The following CD200R1L variants were observed in gnomAD, a reference collection of about 807,000 sequenced individuals.
CD200R1L encodes cell surface glycoprotein CD200 receptor 2.
A neutral mutation model predicts 24.8 loss-of-function variants in CD200R1L; 14 were observed. That is an observed-to-expected ratio of 0.56 (90% CI 0.37 to 0.88). The LOEUF is 0.88. CD200R1L is among the 40% of genes least tolerant of loss of function. The pLI is 0.00. For synonymous variants in CD200R1L, 111 were observed against 109.2 expected, an observed-to-expected ratio of 1.02 and a Z score of -0.11; for missense variants, 299 against 297.8, an observed-to-expected ratio of 1.00 and a Z score of -0.03.
At chr3:112,842,087 A>G (rs1427452344) in intron 2 of CD200R1L, among the ~76,000 whole-genome samples, 1 of 152,190 alleles carries the variant, frequency 6.6e-6, no homozygotes, top group Non-Finnish European at 1.5e-5. Context: ...TGATCTAGAC[A>G]CAGAAGGCTT....
intron 6 of CD200R1L, among the ~76,000 whole-genome samples, chr3:112,824,341 G>C (rs990597718): frequency 8.5e-5 from 13 of 152,190 alleles, no homozygotes; most frequent in Non-Finnish European, 1.2e-4. Flanking sequence ...GGCTCATGAA[G>C]GAGTAGAGCA....
chr3:112,830,039 C>T (rs1938759022), intron 3 of CD200R1L, among the ~76,000 whole-genome samples: 1 of 152,188 alleles, frequency 6.6e-6, no homozygotes, highest in Admixed American at 6.5e-5. Flanking sequence ...GTGCAGCTGG[C>T]TTTGCTGCAA....
chr3:112,836,215 A>G (rs956102762), intron 3 of CD200R1L, among the ~76,000 whole-genome samples: 2 of 152,184 alleles, frequency 1.3e-5, no homozygotes, highest in African/African-American at 4.8e-5. Flanking sequence ...CGGAGCACAG[A>G]GGTCCCATCA....
chr3:112,831,897 A>G (rs115820740), intron 3 of CD200R1L, among the ~76,000 whole-genome samples: 4 of 151,642 alleles, frequency 2.6e-5, no homozygotes, highest in Non-Finnish European at 4.4e-5. Flanking sequence ...TCTGCACTTC[A>G]TTCATGCTAA....
In CD200R1L at chr3:112,845,840, A is replaced by G; in HGVS notation, c.-248T>C. ...GGTCACTTTTGCTTATTCTGTCTTC[A>G]ACAGGATTGCAAAACATATTTCTTC... is the stretch of plus-strand genomic sequence containing the variant. On this transcript the variant is annotated 5_prime_UTR_variant, in exon 2 of 8. The change abolishes the stop of an existing upstream ORF in the 5' untranslated region. Transcript: ENST00000488794. 1.3e-6 allele frequency: 1 copy of G among 763,542 alleles called. No individual in the cohort carries two copies. Among genetic ancestry groups the G allele is most frequent in the Non-Finnish European group, 2.2e-6 (1 of 448,490 alleles). The allele number at this position is 763,542 out of a possible 1,614,324, so 47.3% of individuals were successfully genotyped here.
intron 3 of CD200R1L, among the ~76,000 whole-genome samples, chr3:112,831,138 G>A (rs913595383): frequency 1.3e-5 from 2 of 152,032 alleles, no homozygotes; most frequent in African/African-American, 4.8e-5. Context: ...CTCTAATGAT[G>A]GCATAACGTT....
chr3:112,831,543 T>C (rs1331153653), intron 3 of CD200R1L, among the ~76,000 whole-genome samples: 1 of 152,176 alleles, frequency 6.6e-6, no homozygotes, highest in Non-Finnish European at 1.5e-5. Context: ...AATAAAATCA[T>C]TACAAGTATA....
intron 3 of CD200R1L, among the ~76,000 whole-genome samples, chr3:112,830,978 C>T (rs779594338): frequency 1.5e-4 from 23 of 151,996 alleles, no homozygotes; most frequent in African/African-American, 2.7e-4. Flanking sequence ...GATATCCACA[C>T]GGACCCATCT....
rs138212850 is a variant in CD200R1L, at chr3:112,820,125, G to A, written c.617-230C>T. Among the ~76,000 whole-genome samples the A allele has an allele frequency of 2.7e-3, 413 of 152,268 alleles. 2 individuals are homozygous for A. Among genetic ancestry groups the A allele is most frequent in the African/African-American group, 9.5e-3 (396 of 41,568 alleles). On this transcript the variant is annotated intron_variant, in intron 6 of 7. Transcript: ENST00000488794. ...ATCGTAGGTTTCTGACAAATTTTCTGAACAAATAAATGCACACTACGCATT... is the reference window on the plus strand; with the variant it reads ...ATCGTAGGTTTCTGACAAATTTTCTAAACAAATAAATGCACACTACGCATT...
In CD200R1L at chr3:112,845,686, C is replaced by A. The variant is rs1471888954; in HGVS notation, c.-94G>T. ...TCACAGTATCAGACTTACCAGACAC[C>A]ATGATAATGATGGAAATCAGTAATC... On this transcript the variant is annotated 5_prime_UTR_variant, in exon 2 of 8. It removes an upstream start codon present in the reference 5' UTR. Coordinates refer to ENST00000488794, the MANE Select transcript of CD200R1L (RefSeq NM_001199215.3). 2 of 1,612,850 alleles carry A rather than the reference C, an allele frequency of 1.2e-6. No individual in the cohort carries two copies.
intron 2 of CD200R1L, among the ~76,000 whole-genome samples, chr3:112,838,234 AG>A (rs1417080022): frequency 6.8e-6 from 1 of 146,426 alleles, no homozygotes; most frequent in Non-Finnish European, 1.5e-5. Flanking sequence ...TTTCTTTTGT[AG>A]TTATGAATAA....
At chr3:112,839,675 G>A (rs1298679155) in intron 2 of CD200R1L, among the ~76,000 whole-genome samples, 1 of 152,168 alleles carries the variant, frequency 6.6e-6, no homozygotes, top group Non-Finnish European at 1.5e-5. Flanking sequence ...TGAGGTTCTT[G>A]ATTGAAAAGG....
At chr3:112,829,234 C>G in intron 4 of CD200R1L, 85 bp downstream of exon 4, 1 of 1,081,572 alleles carries the variant, frequency 9.2e-7, no homozygotes, top group South Asian at 1.3e-5. Flanking sequence ...CAAGGCTGGC[C>G]TCCAGCCAGG....
intron 3 of CD200R1L, among the ~76,000 whole-genome samples, chr3:112,830,414 A>G (rs1157696415): frequency 1.3e-5 from 2 of 151,884 alleles, no homozygotes; most frequent in African/African-American, 4.8e-5. Context: ...TGTAATACCC[A>G]TAATGAGTGA....
intron 6 of CD200R1L, among the ~76,000 whole-genome samples, chr3:112,826,601 C>T (rs1938662196): frequency 6.6e-6 from 1 of 152,060 alleles, no homozygotes; most frequent in South Asian, 2.1e-4. Flanking sequence ...TAATATATTG[C>T]TTTTGGATGA....
At position 112,845,734 on chromosome 3, in the gene CD200R1L, A is replaced by T. The variant is rs1216413921; in HGVS notation, c.-142T>A. The stretch of plus-strand genomic sequence containing the variant: ...ATCTTGGAGCTGACATCTTCCCTAA[A>T]GTATGCTTTTGGAGTGGTTTTCTAC... On this transcript the variant is annotated 5_prime_UTR_variant, in exon 2 of 8. Coordinates refer to ENST00000488794, the MANE Select transcript of CD200R1L (RefSeq NM_001199215.3). 4 of 1,612,152 alleles carry T rather than the reference A, an allele frequency of 2.5e-6. No homozygotes were observed. The South Asian group carries it at 3.3e-5, about 13-fold the overall frequency.
intron 7 of CD200R1L, among the ~76,000 whole-genome samples, chr3:112,817,846 G>A (rs1191999719): frequency 3.3e-5 from 5 of 152,188 alleles, no homozygotes; most frequent in Non-Finnish European, 7.4e-5. Context: ...CGAAAACTTG[G>A]AACAAAAAGA....
intron 3 of CD200R1L, among the ~76,000 whole-genome samples, chr3:112,835,255 G>C (rs930669930): frequency 3.9e-5 from 6 of 152,146 alleles, no homozygotes; most frequent in Non-Finnish European, 7.4e-5. Context: ...CTGCAGCCAG[G>C]GTGTCCTGAT....
At position 112,845,866 on chromosome 3, in the gene CD200R1L, AT is replaced by A. The variant is rs777628460; in HGVS notation, c.-275del. 9.5e-4 allele frequency: 601 copies of A among 634,064 alleles called. 10 individuals carry two copies. The highest frequency in any genetic ancestry group is 2.3e-4 in the Non-Finnish European group (82 of 359,986). 39.3% of individuals were successfully genotyped at this position (634,064 alleles called of 1,614,324 possible). A position where few individuals can be genotyped will look rare whatever the true frequency, so the allele number is the denominator to read the frequency against. The stretch of plus-strand genomic sequence containing the variant: ...ACAGGATTGCAAAACATATTTCTTC[AT>A]TATCTTGCTTATCTTTAATTTTTGC... On this transcript the variant is annotated 5_prime_UTR_variant, in exon 2 of 8. The change creates a new upstream start codon in the 5' untranslated region. Coordinates refer to ENST00000488794, the MANE Select transcript of CD200R1L (RefSeq NM_001199215.3).
Sources: gnomAD v4.1 joint callset for allele counts (sites outside exome capture counted in the v4.1 genomes callset) on GRCh38, gnomAD v4.1.1 for gene constraint, MANE v1.5 for transcripts, NCBI Gene and HGNC (gene_info 2026-07-23, HGNC 2026-07-21) for gene names.